The following NDUFA3 variants were observed in gnomAD, a reference collection of about 807,000 sequenced individuals.
The protein encoded by NDUFA3 is NADH dehydrogenase [ubiquinone] 1 alpha subcomplex subunit 3.
A neutral mutation model predicts 11.4 loss-of-function variants in NDUFA3; 10 were observed. The observed-to-expected ratio is 0.87, with a 90% CI of 0.54 to 1.48. The LOEUF is 1.48. Among genes scored for constraint, NDUFA3 ranks in the 40% most tolerant of loss-of-function variants. The pLI is 0.00. For missense variants in NDUFA3, 115 were observed against 110.5 expected (o/e 1.04, Z -0.18); for synonymous variants, 39 against 46.9 (o/e 0.83, Z 0.68).
intron 2 of NDUFA3, chr19:54,105,712 T>A (rs1354129487): frequency 2.9e-6 from 2 of 687,238 alleles, no homozygotes; most frequent in South Asian, 3.2e-5. Flanking sequence ...CTGTGAGTGT[T>A]AGGCTCCAAC....
chr19:54,103,689 T>G (rs76807420), intron 2 of NDUFA3, among the ~76,000 whole-genome samples: 1 of 140,766 alleles, frequency 7.1e-6, no homozygotes, highest in Non-Finnish European at 1.5e-5. Context: ...AAAATGTAGC[T>G]TTTTTTTTTG....
rs587723220 is a variant in NDUFA3, at chr19:54,103,180, G to A, written c.77G>A (p.Gly26Glu). 2 of 1,598,150 alleles carry A rather than the reference G, an allele frequency of 1.3e-6. No individual in the cohort carries two copies. The highest frequency in any genetic ancestry group is 2.7e-5 in the African/African-American group (2 of 74,630). Residue 26 changes from glycine to glutamate, a missense_variant, in exon 2 of 4, where the codon GGG becomes GAG. Gly to Glu is a moderately conservative substitution (Grantham distance 98). Transcript: ENST00000485876. ...EPVLVVSFVV[G>E]GLAVILPPLS... is the part of the protein sequence containing the mutation. Reference sequence around the variant, plus strand: ...GTGCTGGTCGTGTCCTTCGTCGTCGGGGGCCTCGGTGCGTGAGTGCTCCAG... The same window carrying A: ...GTGCTGGTCGTGTCCTTCGTCGTCGAGGGCCTCGGTGCGTGAGTGCTCCAG...
intron 2 of NDUFA3, among the ~76,000 whole-genome samples, chr19:54,103,599 C>G (rs1437156633): frequency 6.6e-6 from 1 of 152,146 alleles, no homozygotes; most frequent in East Asian, 1.9e-4. Flanking sequence ...TTGAAAATCT[C>G]TGCCCTCTGC....
intron 1 of NDUFA3, 41 bp from the exon 2 acceptor site, chr19:54,103,073 G>A (rs762418545): frequency 5.0e-6 from 8 of 1,600,190 alleles, no homozygotes; most frequent in East Asian, 4.5e-5. Context: ...GTCACCGGGG[G>A]CAGCTACTTG....
Position 54,107,017 on chromosome 19 carries a change from G to T in NDUFA3, c.*115G>T. 6.2e-7 allele frequency: 1 copy of T among 1,608,770 alleles called. No homozygotes were observed. Among genetic ancestry groups the T allele is most frequent in the Non-Finnish European group, 8.5e-7 (1 of 1,176,800 alleles). On this transcript the variant is annotated 3_prime_UTR_variant, in exon 4 of 4. Transcript: ENST00000485876. ...GGTGGGAACAAGTAGACGGTGGCCG[G>T]GGTGAGTGTGGGGTCAGTTTATTGG... is the stretch of plus-strand genomic sequence containing the variant.
In NDUFA3 at chr19:54,105,264, C is replaced by CTTTTTTTTTTTTTTTTTTTTTTTT. The variant is rs796770972; in HGVS notation, c.86-649_86-648insTTTTTTTTTTTTTTTTTTTTTTTT. ...ACCCTTTCTCCTCCAGTTTGTAAGG[C>CTTTTTTTTTTTTTTTTTTTTTTTT]TTTTTTTTTTTTTTTTTTTTTGGTG... On this transcript the variant is annotated intron_variant, in intron 2 of 3. Coordinates refer to ENST00000485876, the MANE Select transcript of NDUFA3 (RefSeq NM_004542.4). Among the ~76,000 whole-genome samples, 30 of 71,260 alleles carry CTTTTTTTTTTTTTTTTTTTTTTTT rather than the reference C, an allele frequency of 4.2e-4. 4 individuals are homozygous for CTTTTTTTTTTTTTTTTTTTTTTTT. The highest frequency in any genetic ancestry group is 4.5e-4 in the Non-Finnish European group (18 of 39,666). The allele number at this position is 71,260 out of a possible 152,430, so 46.7% of individuals were successfully genotyped here. A position where few individuals can be genotyped will look rare whatever the true frequency, so the allele number is the denominator to read the frequency against.
At chr19:54,106,401 C>A (rs2073261641) in intron 3 of NDUFA3, 2 of 329,680 alleles carry the variant, frequency 6.1e-6, no homozygotes, top group Non-Finnish European at 1.1e-5. Flanking sequence ...GATCTCCTGA[C>A]CTTGTGATCC....
At chr19:54,103,269 T>A (rs2073146271) in intron 2 of NDUFA3, 81 bp downstream of exon 2, 5 of 1,402,866 alleles carry the variant, frequency 3.6e-6, no homozygotes, top group Non-Finnish European at 3.8e-6. Context: ...CCTAAAGCCC[T>A]ATCGCCGCCC....
In NDUFA3 at chr19:54,107,205, G is replaced by C. The variant is rs774080116; in HGVS notation, c.*303G>C. The C allele has an allele frequency of 6.3e-7, 1 of 1,584,038 alleles. No homozygotes were observed. Among genetic ancestry groups the C allele is most frequent in the Non-Finnish European group, 8.6e-7 (1 of 1,167,566 alleles). On this transcript the variant is annotated 3_prime_UTR_variant, in exon 4 of 4. Coordinates refer to ENST00000485876, the MANE Select transcript of NDUFA3 (RefSeq NM_004542.4). ...TAAGGAACAAGGTGTTAACAGGCCT[G>C]GGAATCTAGAAAATCCCATCAGCTT...
In NDUFA3 at chr19:54,107,568, G is replaced by C. The variant is rs587762135; in HGVS notation, c.*666G>C. On this transcript the variant is annotated 3_prime_UTR_variant, in exon 4 of 4. Transcript: ENST00000485876. ...CTGGCCAGCCTCACAGTTCTTGTCT[G>C]CCCAGGCCAGTCACCTTCCTCCTTA... 1.1e-4 allele frequency: 30 copies of C among 283,792 alleles called. No individual in the cohort carries two copies. The South Asian group carries it at 1.7e-3, about 16-fold the overall frequency. 17.6% of individuals were successfully genotyped at this position (283,792 alleles called of 1,614,324 possible).
chr19:54,104,883 C>T lies in NDUFA3; in HGVS notation c.86-1051C>T, dbSNP rs140214482. 1.6e-4 allele frequency among the ~76,000 whole-genome samples: 25 copies of T among 152,066 alleles called. No homozygotes were observed. The East Asian group carries it at 4.6e-3, about 28-fold the overall frequency. On this transcript the variant is annotated intron_variant, in intron 2 of 3. Transcript: ENST00000485876. The stretch of plus-strand genomic sequence containing the variant: ...CCTCCTTAGTAGCTGGGATTACAGG[C>T]GCATGCCACTACACCTGGCTGTTTT...
intron 2 of NDUFA3, chr19:54,105,697 C>T (rs755549267): frequency 1.0e-5 from 7 of 690,772 alleles, no homozygotes; most frequent in Non-Finnish European, 1.6e-5. Context: ...CCAGGCCCCA[C>T]GTATCTGTGA....
At position 54,106,981 on chromosome 19, in the gene NDUFA3, G is replaced by A; in HGVS notation, c.*79G>A. ...AACCAACCCCCGAACGTGAGCATGT[G>A]TGTGATCAGAGGTGGGAACAAGTAG... On this transcript the variant is annotated 3_prime_UTR_variant, in exon 4 of 4. Transcript: ENST00000485876. 2 of 1,604,924 alleles carry A rather than the reference G, an allele frequency of 1.2e-6. No individual in the cohort carries two copies. Among genetic ancestry groups the A allele is most frequent in the Admixed American group, 1.7e-5 (1 of 58,840 alleles).
chr19:54,105,851 C>T, intron 2 of NDUFA3, 83 bp from the exon 3 acceptor site: 3 of 1,243,566 alleles, frequency 2.4e-6, no homozygotes, highest in Non-Finnish European at 3.5e-6. Flanking sequence ...CGCACTTTAT[C>T]TTCCCTTTGC....
At chr19:54,105,453 G>A (rs2073229190) in intron 2 of NDUFA3, 1 of 237,468 alleles carries the variant, frequency 4.2e-6, no homozygotes. Context: ...ATCTTTAGTA[G>A]AGATGGGGTT....
chr19:54,103,047 C>T, intron 1 of NDUFA3, 67 bp from the exon 2 acceptor site: 1 of 1,566,466 alleles, frequency 6.4e-7, no homozygotes, highest in South Asian at 1.1e-5. Flanking sequence ...GCAGGGGTGG[C>T]ACGAGAGGGT....
intron 3 of NDUFA3, 116 bp downstream of exon 3, chr19:54,106,127 C>A: frequency 1.1e-6 from 1 of 896,288 alleles, no homozygotes; most frequent in Non-Finnish European, 1.8e-6. Context: ...CAGTGGTGCC[C>A]GGACCCCCCG....
intron 3 of NDUFA3, 34 bp downstream of exon 3, chr19:54,106,045 G>A: frequency 6.4e-7 from 1 of 1,574,336 alleles, no homozygotes; most frequent in South Asian, 1.1e-5. Flanking sequence ...CCCCGGAATA[G>A]GCCCAGCCTC....
intron 2 of NDUFA3, among the ~76,000 whole-genome samples, chr19:54,104,032 A>G (rs796140232): frequency 4.7e-5 from 7 of 148,930 alleles, no homozygotes; most frequent in African/African-American, 1.8e-4. Flanking sequence ...ACGGGGTTTC[A>G]CCGTGTTAGC....
Sources: gnomAD v4.1 joint callset for allele counts (sites outside exome capture counted in the v4.1 genomes callset) on GRCh38, gnomAD v4.1.1 for gene constraint, MANE v1.5 for transcripts, NCBI Gene and HGNC (gene_info 2026-07-23, HGNC 2026-07-21) for gene names.